The following ITSN2 variants were observed in gnomAD, a reference collection of about 807,000 sequenced individuals.
ITSN2 encodes the protein intersectin-2.
In ITSN2, 156 loss-of-function variants were observed where a neutral mutation model predicts 243.7. The ratio of observed to expected loss-of-function variants is 0.64; its 90% CI spans 0.56 to 0.73. The LOEUF (loss-of-function observed/expected upper bound fraction) is 0.73, where lower values mean the gene tolerates loss of function less well. Ranked by LOEUF, ITSN2 falls within the 30% of genes least tolerant of loss-of-function variation. The probability of loss-of-function intolerance (pLI) is 0.00; values close to 1 mark genes in which losing one functional copy is unlikely to be tolerated. For missense variants in ITSN2, 1,801 were observed against 1,996.1 expected (o/e 0.90, Z 1.86); for synonymous variants, 703 against 699.9 (o/e 1.00, Z -0.07).
chr2:24,353,330 T>G (rs746664323), intron 1 of ITSN2, among the ~76,000 whole-genome samples: 11 of 152,194 alleles, frequency 7.2e-5, no homozygotes, highest in Non-Finnish European at 1.6e-4. Flanking sequence ...CCACAGTGGC[T>G]CATGCCTGTA....
chr2:24,291,686 C>T (rs558128766), intron 15 of ITSN2, among the ~76,000 whole-genome samples: 16 of 152,206 alleles, frequency 1.1e-4, no homozygotes, highest in Non-Finnish European at 2.2e-4. Flanking sequence ...GATGGCGTAT[C>T]ACCATGTTGG....
intron 8 of ITSN2, among the ~76,000 whole-genome samples, chr2:24,308,016 G>A (rs1159812604): frequency 6.6e-6 from 1 of 152,120 alleles, no homozygotes; most frequent in Non-Finnish European, 1.5e-5. Flanking sequence ...ATTTCTTGCT[G>A]AGTGAAGAGG....
chr2:24,293,733 A>G lies in ITSN2; in HGVS notation c.1678T>C (p.Leu560=). ...KLIYLVPEKQ[L]LNERIKNMQF... ...ATGTTTTTAATTCTTTCATTTAATA[A>G]TTGCTTCTCAGGTACCAGATAGATA... Residue 560 remains leucine (L), a synonymous_variant, in exon 15 of 40, where the codon TTA becomes CTA. Coordinates refer to ENST00000355123, the MANE Select transcript of ITSN2 (RefSeq NM_006277.3). 1 of 1,249,368 alleles carries G rather than the reference A, an allele frequency of 8.0e-7. No individual in the cohort carries two copies. The highest frequency in any genetic ancestry group is 1.6e-5 in the African/African-American group (1 of 64,380). The allele number at this position is 1,249,368 out of a possible 1,614,324, so 77.4% of individuals were successfully genotyped here.
At chr2:24,266,199 TA>T (rs1168636500) in intron 20 of ITSN2, among the ~76,000 whole-genome samples, 1 of 152,238 alleles carries the variant, frequency 6.6e-6, no homozygotes, top group Non-Finnish European at 1.5e-5. Flanking sequence ...CTTACTCATA[TA>T]AATTAGTATT....
chr2:24,223,440 A>C (rs1470229754), intron 29 of ITSN2, among the ~76,000 whole-genome samples: 2 of 152,006 alleles, frequency 1.3e-5, no homozygotes, highest in African/African-American at 4.8e-5. Flanking sequence ...GCACTGTGGG[A>C]GGCTGAGGCG....
At chr2:24,328,772 A>C (rs917244126) in intron 1 of ITSN2, among the ~76,000 whole-genome samples, 3 of 152,216 alleles carry the variant, frequency 2.0e-5, no homozygotes, top group Non-Finnish European at 2.9e-5. Context: ...CCATAGTATC[A>C]TTTTTTAAAA....
Position 24,257,909 on chromosome 2 carries a change from C to T in ITSN2, c.2867G>A (p.Gly956Glu), listed in dbSNP as rs1309123340. Residue 956 changes from glycine to glutamate, a missense_variant, in exon 23 of 40, where the codon GGG (glycine) becomes GAG (glutamate). Transcript: ENST00000355123. The stretch of plus-strand genomic sequence containing the variant: ...TTACTCTTCCCGTTTTACTTCACTC[C>T]CAGGAATGATCTTGACATAAGATTT... ...FPKSYVKIIP[G>E]SEVKREEPEA... 1.9e-6 allele frequency: 3 copies of T among 1,613,814 alleles called. No homozygotes were observed. The highest frequency in any genetic ancestry group is 1.3e-5 in the African/African-American group (1 of 74,908).
At chr2:24,334,835 G>A (rs907028282) in intron 1 of ITSN2, 21 of 819,170 alleles carry the variant, frequency 2.6e-5, no homozygotes, top group African/African-American at 8.6e-5. Flanking sequence ...AGGCCGAGGC[G>A]GGCGGATCAC....
At chr2:24,292,456 T>C (rs1204191540) in intron 15 of ITSN2, among the ~76,000 whole-genome samples, 1 of 152,098 alleles carries the variant, frequency 6.6e-6, no homozygotes, top group Non-Finnish European at 1.5e-5. Context: ...AAGAACCAAG[T>C]ATAAGGAACA....
At chr2:24,328,443 A>G (rs1019082143) in intron 1 of ITSN2, among the ~76,000 whole-genome samples, 11 of 152,174 alleles carry the variant, frequency 7.2e-5, no homozygotes, top group African/African-American at 2.7e-4. Flanking sequence ...AATTAAGTAT[A>G]TAAGAATAAC....
At chr2:24,295,928 A>G in intron 13 of ITSN2, 124 bp from the exon 14 acceptor site, 1 of 633,356 alleles carries the variant, frequency 1.6e-6, no homozygotes, top group Non-Finnish European at 2.4e-6. Context: ...ATCCTGAAAC[A>G]AATGCCTAAA....
chr2:24,318,750 C>A (rs1684215292), intron 2 of ITSN2, among the ~76,000 whole-genome samples: 1 of 152,156 alleles, frequency 6.6e-6, no homozygotes, highest in Admixed American at 6.5e-5. Flanking sequence ...AGGCTTGGTT[C>A]ATAAACCCTC....
chr2:24,253,059 C>T (rs544567911), intron 24 of ITSN2, among the ~76,000 whole-genome samples: 1 of 152,204 alleles, frequency 6.6e-6, no homozygotes, highest in East Asian at 1.9e-4. Context: ...AGTAGACGCT[C>T]GATAAATAGT....
intron 21 of ITSN2, 30 bp downstream of exon 21, chr2:24,261,531 T>C (rs1675855278): frequency 2.0e-6 from 3 of 1,527,150 alleles, no homozygotes; most frequent in East Asian, 2.3e-5. Context: ...TGCAGATCTA[T>C]ATAAACTTTA....
intron 1 of ITSN2, among the ~76,000 whole-genome samples, chr2:24,345,133 T>C (rs1359008943): frequency 6.6e-6 from 1 of 152,178 alleles, no homozygotes; most frequent in African/African-American, 2.4e-5. Flanking sequence ...AGAGTACTTC[T>C]CAATATAGAA....
intron 29 of ITSN2, among the ~76,000 whole-genome samples, chr2:24,223,174 G>A (rs1396869439): frequency 1.3e-5 from 2 of 152,134 alleles, no homozygotes; most frequent in Non-Finnish European, 2.9e-5. Flanking sequence ...GAGCGAAGGC[G>A]CACCCTGCAC....
Position 24,313,480 on chromosome 2 carries a change from G to C in ITSN2, c.168C>G (p.Ala56=). The C allele has an allele frequency of 6.2e-7, 1 of 1,613,090 alleles. No homozygotes were observed. The highest frequency in any genetic ancestry group is 8.5e-7 in the Non-Finnish European group (1 of 1,179,518). ...RNFFLQSGLP[A]PVLAEIWALS... ...TTTACCATATTTCAGCTAAAACAGG[G>C]GCCGGCAGACCTGATTGTAGGAAAA... is the stretch of plus-strand genomic sequence containing the variant. The change falls in exon 4 of 40, where the codon GCC becomes GCG. Residue 56 remains alanine (A), a synonymous_variant. Transcript: ENST00000355123.
intron 17 of ITSN2, among the ~76,000 whole-genome samples, chr2:24,277,380 A>AAAAGG (rs1678143801): frequency 6.6e-6 from 1 of 152,220 alleles, no homozygotes; most frequent in Admixed American, 6.5e-5. Flanking sequence ...TACTTGATTG[A>AAAAGG]AATAGTAGAT....
rs1684094038 is a variant in ITSN2, at chr2:24,317,720, T to C, written c.32-2496A>G. Among the ~76,000 whole-genome samples, 4 of 152,250 alleles carry C rather than the reference T, an allele frequency of 2.6e-5. No individual in the cohort carries two copies. In the East Asian group the frequency reaches 7.7e-4, roughly 29 times the overall value. On this transcript the variant is annotated intron_variant, in intron 2 of 39. Coordinates refer to ENST00000355123, the MANE Select transcript of ITSN2 (RefSeq NM_006277.3). ...CTAATTGAATTGTCTGTGTCACCTA[T>C]GTAGACACCTACAGTATGGGCCCAG...
Sources: gnomAD v4.1 joint callset for allele counts (sites outside exome capture counted in the v4.1 genomes callset) on GRCh38, gnomAD v4.1.1 for gene constraint, MANE v1.5 for transcripts, NCBI Gene and HGNC (gene_info 2026-07-23, HGNC 2026-07-21) for gene names.